Variants in YME1L1 observed in about 807,000 individuals in gnomAD.
YME1L1 encodes the protein YME1 like 1 ATPase, also known as ATP-dependent zinc metalloprotease YME1L1.
A neutral mutation model predicts 90.4 loss-of-function variants in YME1L1; 39 were observed. The ratio of observed to expected loss-of-function variants is 0.43; its 90% confidence interval spans 0.33 to 0.56. The LOEUF (loss-of-function observed/expected upper bound fraction) is 0.56, where lower values mean the gene tolerates loss of function less well. Among genes scored for constraint, YME1L1 ranks in the 20% least tolerant of loss-of-function variants. The pLI is 0.03. For missense variants in YME1L1, 617 were observed against 868.4 expected (o/e 0.71, Z 3.64); for synonymous variants, 284 against 287.3 (o/e 0.99, Z 0.12).
intron 5 of YME1L1, among the ~76,000 whole-genome samples, chr10:27,135,742 A>G (rs2057020846): frequency 6.6e-6 from 1 of 152,214 alleles, no homozygotes; most frequent in African/African-American, 2.4e-5. Context: ...AGGTGGAGGT[A>G]AGCAATAAAG....
chr10:27,120,087 C>T (rs1005501741), intron 13 of YME1L1, among the ~76,000 whole-genome samples: 2 of 152,128 alleles, frequency 1.3e-5, no homozygotes, highest in African/African-American at 4.8e-5. Context: ...TTTGGCCCCA[C>T]ACTGACTATA....
intron 7 of YME1L1, among the ~76,000 whole-genome samples, chr10:27,133,267 A>G (rs1310193733): frequency 2.6e-5 from 4 of 151,270 alleles, no homozygotes; most frequent in African/African-American, 9.7e-5. Context: ...GTCTGATAGG[A>G]GAGTAAAATA....
At chr10:27,115,207 C>CA (rs1248233813) in intron 17 of YME1L1, among the ~76,000 whole-genome samples, 1 of 151,988 alleles carries the variant, frequency 6.6e-6, no homozygotes. Context: ...GAGCCAACAT[C>CA]ACGCCACTGC....
At chr10:27,118,322 C>A (rs369462499) in intron 14 of YME1L1, among the ~76,000 whole-genome samples, 15 of 152,110 alleles carry the variant, frequency 9.9e-5, no homozygotes, top group African/African-American at 3.6e-4. Flanking sequence ...GGGTCTGTAA[C>A]CCAGGCTGGA....
intron 7 of YME1L1, 94 bp downstream of exon 7, chr10:27,133,945 T>C (rs2057000790): frequency 2.3e-6 from 2 of 877,632 alleles, no homozygotes; most frequent in Non-Finnish European, 3.5e-6. Context: ...TAAACATTAA[T>C]ATGTTCTTTC....
rs939557101 is a variant in YME1L1, at chr10:27,152,074, T to C, written c.33+2104A>G. Among the ~76,000 whole-genome samples, 4 of 152,098 alleles carry C rather than the reference T, an allele frequency of 2.6e-5. No homozygotes were observed. In the East Asian group the frequency reaches 5.8e-4, roughly 22 times the overall value. On this transcript the variant is annotated intron_variant, in intron 1 of 18. Transcript: ENST00000376016. ...AAGGCTAGTCAAGTGAAGCAATGTA[T>C]CATTTTTAGAGTCAGAAAGAAACAG...
In YME1L1 at chr10:27,119,313, G is replaced by A. The variant is rs772134163; in HGVS notation, c.1548C>T (p.Ser516=). Residue 516 remains serine, a synonymous_variant, in exon 14 of 19, where the codon TCC becomes TCT. Coordinates refer to ENST00000376016, the MANE Select transcript of YME1L1 (RefSeq NM_014263.4). ...EMVTMKELEF[S]KDKILMGPER... is the part of the protein sequence containing the mutation. ...ACCTACCCATTAGAATTTTGTCTTTGGAAAACTCCAGCTCCTTCATGGTAA... is the reference window on the plus strand; with the variant it reads ...ACCTACCCATTAGAATTTTGTCTTTAGAAAACTCCAGCTCCTTCATGGTAA... The A allele has an allele frequency of 3.1e-6, 5 of 1,599,802 alleles. No individual in the cohort carries two copies. The highest frequency in any genetic ancestry group is 3.4e-6 in the Non-Finnish European group (4 of 1,176,312).
intron 3 of YME1L1, among the ~76,000 whole-genome samples, chr10:27,144,852 C>A (rs1294851250): frequency 1.3e-5 from 2 of 152,052 alleles, no homozygotes; most frequent in African/African-American, 4.8e-5. Context: ...AAATAAGGTA[C>A]CAATGTTAGG....
At position 27,119,457 on chromosome 10, in the gene YME1L1, A is replaced by G. The variant is rs747287156; in HGVS notation, c.1412-8T>C. On this transcript the variant is annotated splice_region_variant and splice_polypyrimidine_tract_variant and intron_variant, in intron 13 of 18. Transcript: ENST00000376016. ...TAATTTCTGGATCAACGGCTAATGT[A>G]AAAAGAGAACACAACGCTAATAAGT... The G allele has an allele frequency of 4.4e-6, 7 of 1,601,832 alleles. No individual in the cohort carries two copies. Among genetic ancestry groups the G allele is most frequent in the Non-Finnish European group, 5.9e-6 (7 of 1,176,768 alleles).
intron 1 of YME1L1, among the ~76,000 whole-genome samples, chr10:27,151,701 G>A (rs1432119997): frequency 2.6e-5 from 4 of 152,056 alleles, no homozygotes; most frequent in African/African-American, 4.8e-5. Flanking sequence ...CTAACACGGT[G>A]AAACCCCATC....
At chr10:27,125,355 T>C (rs1435118030) in intron 9 of YME1L1, among the ~76,000 whole-genome samples, 4 of 143,860 alleles carry the variant, frequency 2.8e-5, no homozygotes, top group African/African-American at 1.0e-4. Flanking sequence ...GAACATTCTA[T>C]AAATAATTAG....
At chr10:27,117,464 A>C in intron 15 of YME1L1, 112 bp downstream of exon 15, 1 of 1,162,990 alleles carries the variant, frequency 8.6e-7, no homozygotes, top group Non-Finnish European at 1.2e-6. Flanking sequence ...GTTACTTGGG[A>C]GGCTGAGGTG....
In YME1L1 at chr10:27,148,242, AC is replaced by A. The variant is rs1374768125; in HGVS notation, c.168+663del. 4.0e-5 allele frequency among the ~76,000 whole-genome samples: 6 copies of A among 151,612 alleles called. No homozygotes were observed. In the East Asian group the frequency reaches 1.2e-3, roughly 29 times the overall value. ...ATTTTTGAGACAGAGTCTTGTTGTC[AC>A]CCAGGCTGGAGTGCAGTGGTGCGAT... is the stretch of plus-strand genomic sequence containing the variant. On this transcript the variant is annotated intron_variant, in intron 2 of 18. Coordinates refer to ENST00000376016, the MANE Select transcript of YME1L1 (RefSeq NM_014263.4).
chr10:27,136,533 T>G, intron 4 of YME1L1, 148 bp from the exon 5 acceptor site: 1 of 686,246 alleles, frequency 1.5e-6, no homozygotes, highest in Non-Finnish European at 2.4e-6. Context: ...GTTTCCTTCT[T>G]TTTTGTAGAG....
chr10:27,123,480 G>A, intron 10 of YME1L1, 67 bp downstream of exon 10: 1 of 1,500,594 alleles, frequency 6.7e-7, no homozygotes, highest in Non-Finnish European at 8.9e-7. Flanking sequence ...AATTAGCAAA[G>A]AAAGGGTAAG....
Position 27,110,297 on chromosome 10 carries a change from G to C in YME1L1, c.*1680C>G, listed in dbSNP as rs1056794329. On this transcript the variant is annotated 3_prime_UTR_variant, in exon 19 of 19. Transcript: ENST00000376016. Reference sequence around the variant, plus strand: ...AACAACTGGTAAATCTGGATGCAGGGTATATGAGACATCCATGTATTATGC... The same window carrying C: ...AACAACTGGTAAATCTGGATGCAGGCTATATGAGACATCCATGTATTATGC... 2.6e-5 allele frequency: 4 copies of C among 152,160 alleles called. No individual in the cohort carries two copies. The highest frequency in any genetic ancestry group is 4.4e-5 in the Non-Finnish European group (3 of 68,036). 9.4% of individuals were successfully genotyped at this position (152,160 alleles called of 1,614,324 possible). A position where few individuals can be genotyped will look rare whatever the true frequency, so the allele number is the denominator to read the frequency against.
chr10:27,147,937 C>G (rs1365979257), intron 2 of YME1L1, among the ~76,000 whole-genome samples: 1 of 152,126 alleles, frequency 6.6e-6, no homozygotes, highest in African/African-American at 2.4e-5. Flanking sequence ...GCACGTTACC[C>G]TGGCATGACA....
At chr10:27,145,398 T>G (rs1051995303) in intron 3 of YME1L1, 30 bp downstream of exon 3, 25 of 1,541,964 alleles carry the variant, frequency 1.6e-5, no homozygotes, top group Non-Finnish European at 2.2e-5. Flanking sequence ...GCTAAAATAT[T>G]TAATTGGAAC....
chr10:27,127,082 T>C (rs2056927948), intron 8 of YME1L1, among the ~76,000 whole-genome samples: 5 of 152,202 alleles, frequency 3.3e-5, no homozygotes, highest in Admixed American at 3.3e-4. Context: ...AAAAAGAAAG[T>C]ACCTAGAGAG....
Sources: gnomAD v4.1 joint callset for allele counts (sites outside exome capture counted in the v4.1 genomes callset) on GRCh38, gnomAD v4.1.1 for gene constraint, MANE v1.5 for transcripts, NCBI Gene and HGNC (gene_info 2026-07-23, HGNC 2026-07-21) for gene names.